Variants in ECM2 observed in about 807,000 individuals in gnomAD.
The protein encoded by ECM2 is extracellular matrix protein 2, also known as extracellular matrix protein 2, female organ and adipocyte specific.
In ECM2, 57 loss-of-function variants were observed where a neutral mutation model predicts 67.5. The ratio of observed to expected loss-of-function variants is 0.84; its 90% CI spans 0.68 to 1.05. The LOEUF (loss-of-function observed/expected upper bound fraction) is 1.05, where lower values mean the gene tolerates loss of function less well. ECM2 is among the 50% of genes least tolerant of loss of function. ECM2 has a pLI of 0.00. For synonymous variants in ECM2, 258 were observed against 294.5 expected, an observed-to-expected ratio of 0.88 and a Z score of 1.27; for missense variants, 741 against 822.8, an observed-to-expected ratio of 0.90 and a Z score of 1.22.
intron 2 of ECM2, among the ~76,000 whole-genome samples, chr9:92,522,062 G>A (rs1183579885): frequency 6.6e-6 from 1 of 151,714 alleles, no homozygotes; most frequent in Non-Finnish European, 1.5e-5. Context: ...TGGTTTTTTG[G>A]GGGTTGTTTT....
At chr9:92,497,209 C>T (rs1050199360) in intron 9 of ECM2, among the ~76,000 whole-genome samples, 1 of 152,176 alleles carries the variant, frequency 6.6e-6, no homozygotes, top group Non-Finnish European at 1.5e-5. Flanking sequence ...AGTGGAAACA[C>T]ATGTCTATCA....
intron 1 of ECM2, among the ~76,000 whole-genome samples, chr9:92,531,631 G>C (rs1204038347): frequency 6.6e-6 from 1 of 151,960 alleles, no homozygotes; most frequent in East Asian, 1.9e-4. Flanking sequence ...CTTCCTCCTA[G>C]TTGTGACAAC....
chr9:92,524,094 C>A (rs1225532608), intron 1 of ECM2, among the ~76,000 whole-genome samples: 1 of 152,224 alleles, frequency 6.6e-6, no homozygotes, highest in Non-Finnish European at 1.5e-5. Flanking sequence ...GATTTCTCTC[C>A]ACCTGTTTGC....
chr9:92,539,550 C>T (rs560859935), upstream of ECM2, among the ~76,000 whole-genome samples: 74 of 151,974 alleles, frequency 4.9e-4, no homozygotes, highest in Non-Finnish European at 9.4e-4. Flanking sequence ...TTAAGTATAG[C>T]CTACTTACTA....
At chr9:92,553,342 T>C in the ECM2 span, among the ~76,000 whole-genome samples, 1 of 152,230 alleles carries the variant, frequency 6.6e-6, no homozygotes, top group Non-Finnish European at 1.5e-5. Context: ...GGTTGTGTGA[T>C]GTCTCCAGAT....
At chr9:92,501,171 G>A (rs1250792202) in intron 8 of ECM2, 118 bp from the exon 9 acceptor site, 6 of 1,008,764 alleles carry the variant, frequency 5.9e-6, no homozygotes, top group Non-Finnish European at 8.6e-6. Context: ...CCAGTTTGTA[G>A]TGATGATTCC....
chr9:92,526,006 A>G (rs745929846), intron 1 of ECM2, among the ~76,000 whole-genome samples: 6 of 151,590 alleles, frequency 4.0e-5, no homozygotes, highest in Non-Finnish European at 7.4e-5. Flanking sequence ...ACTTTTTATC[A>G]TTGTTTTAGA....
chr9:92,539,469 C>G (rs1050748084), upstream of ECM2, among the ~76,000 whole-genome samples: 1 of 151,514 alleles, frequency 6.6e-6, no homozygotes, highest in African/African-American at 2.4e-5. Context: ...AAGGGCTCAG[C>G]TTAATTAAAG....
Position 92,522,760 on chromosome 9 carries a change from C to A in ECM2, c.107G>T (p.Arg36Ile). 1.9e-6 allele frequency: 3 copies of A among 1,614,114 alleles called. No homozygotes were observed. The highest frequency in any genetic ancestry group is 2.5e-6 in the Non-Finnish European group (3 of 1,180,014). ...PRKQRRKIYH[R>I]RLRKSSTSHK... ...TGAGGTTGAACTTTTCCTCAACCTT[C>A]TGTGGTAGATCTTCCTCCTTTGCTT... Residue 36 changes from arginine to isoleucine, a missense_variant, in exon 2 of 10, where the codon AGA becomes ATA. Transcript: ENST00000344604.
intron 4 of ECM2, 60 bp downstream of exon 4, chr9:92,514,571 A>AG (rs1847565376): frequency 8.6e-6 from 13 of 1,518,882 alleles, no homozygotes; most frequent in Non-Finnish European, 9.7e-6. Flanking sequence ...CACCGTGCCC[A>AG]GCTGCTAAGA....
At chr9:92,558,056 T>C in the ECM2 span, among the ~76,000 whole-genome samples, 7 of 152,238 alleles carry the variant, frequency 4.6e-5, no homozygotes, top group Non-Finnish European at 8.8e-5. Flanking sequence ...TATCATTTTT[T>C]TGGATTTCCT....
upstream of ECM2, among the ~76,000 whole-genome samples, chr9:92,540,952 G>T (rs967959620): frequency 2.0e-5 from 3 of 151,512 alleles, no homozygotes; most frequent in African/African-American, 7.3e-5. Flanking sequence ...CAAAAGTTGG[G>T]GATTTTTTCT....
intron 1 of ECM2, among the ~76,000 whole-genome samples, chr9:92,529,791 T>G (rs1327869129): frequency 1.3e-5 from 2 of 152,148 alleles, no homozygotes; most frequent in African/African-American, 4.8e-5. Flanking sequence ...AATAGTGAAT[T>G]TGGGGCGGAG....
chr9:92,533,643 G>A (rs998881049), intron 1 of ECM2, among the ~76,000 whole-genome samples: 1 of 151,846 alleles, frequency 6.6e-6, no homozygotes, highest in Non-Finnish European at 1.5e-5. Context: ...ATCAGAAGGA[G>A]AAGCTCCCTC....
chr9:92,514,438 C>G (rs1847557473), intron 4 of ECM2, among the ~76,000 whole-genome samples, 193 bp downstream of exon 4: 1 of 152,024 alleles, frequency 6.6e-6, no homozygotes, highest in Admixed American at 6.6e-5. Context: ...CCACGCCCGG[C>G]TAATTTTTGT....
At chr9:92,522,536 C>T (rs1848139608) in intron 2 of ECM2, 39 bp downstream of exon 2, 1 of 1,521,884 alleles carries the variant, frequency 6.6e-7, no homozygotes, top group Non-Finnish European at 8.8e-7. Flanking sequence ...CTCTCACCCT[C>T]CTCCCTCTTT....
At chr9:92,514,375 A>C (rs1261704037) in intron 4 of ECM2, among the ~76,000 whole-genome samples, 2 of 151,698 alleles carry the variant, frequency 1.3e-5, no homozygotes, top group Non-Finnish European at 2.9e-5. Context: ...CCTGGATTCA[A>C]ACGATTCTCC....
chr9:92,528,575 GTC>G (rs1286689171), intron 1 of ECM2, among the ~76,000 whole-genome samples: 1 of 152,102 alleles, frequency 6.6e-6, no homozygotes, highest in African/African-American at 2.4e-5. Context: ...AAAAAAACAG[GTC>G]TCTGGAGCTT....
rs151070730 is a variant in ECM2 at position 92,500,728 on chromosome 9, G to A, written c.1930C>T (p.Arg644Trp). Residue 644 changes from arginine to tryptophan, a missense_variant and splice_region_variant, in exon 9 of 10, where the codon CGG (arginine) becomes TGG (tryptophan). Coordinates refer to ENST00000344604, the MANE Select transcript of ECM2 (RefSeq NM_001393.4). ...ATACTTGAAAAAGCCAAAATTTACCGTATCTTGTTGTTGTTCAGCCTCAGA... is the reference window on the plus strand; with the variant it reads ...ATACTTGAAAAAGCCAAAATTTACCATATCTTGTTGTTGTTCAGCCTCAGA... ...HFLRLNNNKI[R>W]NILPEEICNA... 133 of 1,602,288 alleles carry A rather than the reference G, an allele frequency of 8.3e-5. No individual in the cohort carries two copies. Among genetic ancestry groups the A allele is most frequent in the African/African-American group, 7.5e-4 (56 of 74,432 alleles).
Sources: gnomAD v4.1 joint callset for allele counts (sites outside exome capture counted in the v4.1 genomes callset) on GRCh38, gnomAD v4.1.1 for gene constraint, MANE v1.5 for transcripts, NCBI Gene and HGNC (gene_info 2026-07-23, HGNC 2026-07-21) for gene names.